TMPRSS11A: variants seen among roughly 807,000 people sequenced by gnomAD.
The protein encoded by TMPRSS11A is transmembrane protease serine 11A.
A neutral mutation model predicts 58.9 loss-of-function variants in TMPRSS11A; 53 were observed. The observed-to-expected ratio is 0.90, with a 90% CI of 0.72 to 1.13. The LOEUF (loss-of-function observed/expected upper bound fraction) is 1.13, where lower values mean the gene tolerates loss of function less well. Among genes scored for constraint, TMPRSS11A ranks in the 50% most tolerant of loss-of-function variants. TMPRSS11A has a pLI of 0.00. For missense variants in TMPRSS11A, 493 were observed against 499.3 expected, an observed-to-expected ratio of 0.99 and a Z score of 0.12; for synonymous variants, 167 against 169.8, an observed-to-expected ratio of 0.98 and a Z score of 0.13.
At position 67,919,065 on chromosome 4, in the gene TMPRSS11A, T is replaced by A. The variant is rs1467720832; in HGVS notation, c.860A>T (p.Asp287Val). ...TTCTGGCAAACAAATCTGGCGTATG[T>A]CATCCGAAAAGGTGACTCTGGAAGA... Reference protein sequence around the residue: ...QVSSRVTFSDDIRQICLPEAS... With the variant: ...QVSSRVTFSDVIRQICLPEAS... The change falls in exon 8 of 10, where the codon GAC (aspartate) becomes GTC (valine). Residue 287 changes from aspartate to valine, a missense_variant. By Grantham distance (152) the Asp-to-Val change is radical (BLOSUM62 -3). Transcript: ENST00000508048. 2.5e-6 allele frequency: 4 copies of A among 1,614,054 alleles called. No individual in the cohort carries two copies. The highest frequency in any genetic ancestry group is 3.3e-5 in the Admixed American group (2 of 59,992).
chr4:67,947,605 C>G (rs576413547), intron 1 of TMPRSS11A, among the ~76,000 whole-genome samples: 1 of 152,244 alleles, frequency 6.6e-6, no homozygotes, highest in East Asian at 1.9e-4. Context: ...GGCAAGAATA[C>G]TTCAAAGGTG....
chr4:67,915,555 A>G (rs1720123016), intron 8 of TMPRSS11A, among the ~76,000 whole-genome samples: 1 of 152,098 alleles, frequency 6.6e-6, no homozygotes, highest in Non-Finnish European at 1.5e-5. Flanking sequence ...TGCGATTAAG[A>G]CCTCTAATGA....
chr4:67,953,183 C>A (rs1167181508), intron 1 of TMPRSS11A, among the ~76,000 whole-genome samples: 1 of 152,172 alleles, frequency 6.6e-6, no homozygotes, highest in Non-Finnish European at 1.5e-5. Flanking sequence ...CTACTGCTCA[C>A]CTCCTGCTGT....
intron 5 of TMPRSS11A, 47 bp downstream of exon 5, chr4:67,929,833 T>G: frequency 6.9e-7 from 1 of 1,444,864 alleles, no homozygotes; most frequent in Non-Finnish European, 9.4e-7. Flanking sequence ...CGTCAAAACA[T>G]GGACCTAATA....
chr4:67,932,948 C>A (rs1269549052), intron 3 of TMPRSS11A, among the ~76,000 whole-genome samples: 1 of 152,068 alleles, frequency 6.6e-6, no homozygotes, highest in African/African-American at 2.4e-5. Flanking sequence ...ACCTGGCATT[C>A]GGCTTGCAGT....
chr4:67,911,235 G>A lies in TMPRSS11A; in HGVS notation c.*107C>T, dbSNP rs776655364. 1 of 976,726 alleles carries A rather than the reference G, an allele frequency of 1.0e-6. No individual in the cohort carries two copies. Among genetic ancestry groups the A allele is most frequent in the Non-Finnish European group, 1.5e-6 (1 of 666,814 alleles). 60.5% of individuals were successfully genotyped at this position (976,726 alleles called of 1,614,324 possible). On this transcript the variant is annotated 3_prime_UTR_variant, in exon 10 of 10. Transcript: ENST00000508048. ...TTACGTTGTGTGTTTCATGTTACTAGATCCAGTAATTTAATATCACTTTGT... is the reference window on the plus strand; with the variant it reads ...TTACGTTGTGTGTTTCATGTTACTAAATCCAGTAATTTAATATCACTTTGT...
At chr4:67,946,951 T>C (rs975658407) in intron 1 of TMPRSS11A, among the ~76,000 whole-genome samples, 1 of 152,148 alleles carries the variant, frequency 6.6e-6, no homozygotes. Flanking sequence ...AAATCTATTA[T>C]CTCATTTATT....
chr4:67,910,072 A>C lies in TMPRSS11A; in HGVS notation c.*1270T>G, dbSNP rs1299277349. The C allele has an allele frequency of 6.6e-6, 1 of 152,040 alleles. No homozygotes were observed. Among genetic ancestry groups the C allele is most frequent in the African/African-American group, 2.4e-5 (1 of 41,422 alleles). The allele number at this position is 152,040 out of a possible 1,614,324, so 9.4% of individuals were successfully genotyped here. A position where few individuals can be genotyped will look rare whatever the true frequency, so the allele number is the denominator to read the frequency against. Reference sequence around the variant, plus strand: ...ACCATAATATTTCACAGGCATTGCCAAGCAGAATAATTGCTTCCATAAAGC... The same window carrying C: ...ACCATAATATTTCACAGGCATTGCCCAGCAGAATAATTGCTTCCATAAAGC... On this transcript the variant is annotated 3_prime_UTR_variant, in exon 10 of 10. Transcript: ENST00000508048.
At chr4:67,940,517 T>C (rs374673560) in intron 3 of TMPRSS11A, among the ~76,000 whole-genome samples, 6 of 152,348 alleles carry the variant, frequency 3.9e-5, no homozygotes, top group East Asian at 3.9e-4. Context: ...GATTTTCTAG[T>C]TTATCTACAT....
At chr4:67,960,843 T>C (rs1721405363) in intron 1 of TMPRSS11A, among the ~76,000 whole-genome samples, 1 of 152,232 alleles carries the variant, frequency 6.6e-6, no homozygotes, top group African/African-American at 2.4e-5. Context: ...AGGAGAATTC[T>C]GATTTTTTGC....
At chr4:67,955,527 C>T (rs1375058300) in intron 1 of TMPRSS11A, among the ~76,000 whole-genome samples, 1 of 152,154 alleles carries the variant, frequency 6.6e-6, no homozygotes, top group Non-Finnish European at 1.5e-5. Context: ...GTGTCAGGGT[C>T]CTGTACAACA....
chr4:67,945,701 C>T (rs866307180), intron 2 of TMPRSS11A, among the ~76,000 whole-genome samples: 1 of 152,072 alleles, frequency 6.6e-6, no homozygotes, highest in African/African-American at 2.4e-5. Flanking sequence ...CAGATAAGAG[C>T]GTTAAAGTGA....
rs760403424 is a variant in TMPRSS11A, at chr4:67,911,316, T to C, written c.*26A>G. 1.9e-6 allele frequency: 3 copies of C among 1,611,178 alleles called. No individual in the cohort carries two copies. Among genetic ancestry groups the C allele is most frequent in the East Asian group, 4.5e-5 (2 of 44,834 alleles). ...CATGCATATATGACCTGCATACAGCTTTCTTTGTTTAACTTTTATCGTGAA... is the reference window on the plus strand; with the variant it reads ...CATGCATATATGACCTGCATACAGCCTTCTTTGTTTAACTTTTATCGTGAA... On this transcript the variant is annotated 3_prime_UTR_variant, in exon 10 of 10. Coordinates refer to ENST00000508048, the MANE Select transcript of TMPRSS11A (RefSeq NM_001114387.2).
chr4:67,924,992 G>A (rs200833086), intron 5 of TMPRSS11A, among the ~76,000 whole-genome samples: 2 of 118,686 alleles, frequency 1.7e-5, no homozygotes, highest in Admixed American at 1.7e-4. Context: ...TTTTTTTTTG[G>A]TTAAAGGGTT....
chr4:67,949,819 A>AG (rs1255157501), intron 1 of TMPRSS11A, among the ~76,000 whole-genome samples: 4 of 152,196 alleles, frequency 2.6e-5, no homozygotes, highest in Non-Finnish European at 5.9e-5. Flanking sequence ...AAATGGCGCC[A>AG]CTGCACTCCA....
At chr4:67,948,767 C>T (rs1283101465) in intron 1 of TMPRSS11A, among the ~76,000 whole-genome samples, 1 of 152,132 alleles carries the variant, frequency 6.6e-6, no homozygotes, top group African/African-American at 2.4e-5. Context: ...TGGCTTAAAA[C>T]ATACATTTAT....
At chr4:67,942,114 C>T (rs561033832) in intron 3 of TMPRSS11A, among the ~76,000 whole-genome samples, 2 of 152,224 alleles carry the variant, frequency 1.3e-5, no homozygotes, top group Non-Finnish European at 1.5e-5. Flanking sequence ...AATAATTATA[C>T]GTAACAATGC....
At chr4:67,912,952 CT>C (rs1160531127) in intron 9 of TMPRSS11A, among the ~76,000 whole-genome samples, 2 of 152,064 alleles carry the variant, frequency 1.3e-5, no homozygotes, top group Non-Finnish European at 2.9e-5. Context: ...AGCTTATCCT[CT>C]AGTTTTCTTA....
Position 67,911,522 on chromosome 4 carries a change from G to A in TMPRSS11A, c.1096-19C>T, listed in dbSNP as rs1252672086. On this transcript the variant is annotated intron_variant, in intron 9 of 9. Transcript: ENST00000508048. ...AATCACCCTAAAAATAAAAACATAA[G>A]AAAAAAGAAAGAAAATTAGCTAAAC... 3.8e-6 allele frequency: 6 copies of A among 1,585,066 alleles called. No homozygotes were observed. The highest frequency in any genetic ancestry group is 2.2e-5 in the East Asian group (1 of 44,658).
Sources: allele counts gnomAD v4.1 joint callset (sites outside exome capture counted in the v4.1 genomes callset), GRCh38; gene constraint gnomAD v4.1.1; transcripts MANE v1.5; gene names NCBI Gene and HGNC (gene_info 2026-07-23, HGNC 2026-07-21).